RBM44: variants seen among roughly 807,000 people sequenced by gnomAD.
The protein encoded by RBM44 is RNA-binding protein 44.
In RBM44, 66 loss-of-function variants were observed where a neutral mutation model predicts 105.1. The observed-to-expected ratio is 0.63, with a 90% confidence interval of 0.52 to 0.77. The LOEUF (loss-of-function observed/expected upper bound fraction) is 0.77, where lower values mean the gene tolerates loss of function less well. Among genes scored for constraint, RBM44 ranks in the 30% least tolerant of loss-of-function variants. The pLI is 0.00. For missense variants in RBM44, 1,122 were observed against 1,207.8 expected, an observed-to-expected ratio of 0.93 and a Z score of 1.05; for synonymous variants, 365 against 417.6, an observed-to-expected ratio of 0.87 and a Z score of 1.54.
intron 5 of RBM44, 103 bp from the exon 6 acceptor site, chr2:237,820,968 T>C: frequency 1.3e-6 from 1 of 788,066 alleles, no homozygotes; most frequent in Non-Finnish European, 1.9e-6. Flanking sequence ...GGAGGATTGC[T>C]TGAGCCCAGG....
At position 237,842,116 on chromosome 2, in the gene RBM44, T is replaced by C. The variant is rs2062017452; in HGVS notation, c.*300T>C. ...AGAACATTAAGATGCATATTTGTGA[T>C]CTAAAGAAATTGTCTTGTCCATTTT... On this transcript the variant is annotated 3_prime_UTR_variant, in exon 16 of 16. Transcript: ENST00000316997. 6.6e-6 allele frequency: 1 copy of C among 152,128 alleles called. No individual in the cohort carries two copies. Among genetic ancestry groups the C allele is most frequent in the Non-Finnish European group, 1.5e-5 (1 of 67,962 alleles). The allele number at this position is 152,128 out of a possible 1,614,324, so 9.4% of individuals were successfully genotyped here.
Position 237,821,690 on chromosome 2 carries a change from C to T in RBM44, c.2121-53C>T, listed in dbSNP as rs970059843. 3.9e-6 allele frequency: 5 copies of T among 1,274,190 alleles called. No individual in the cohort carries two copies. In the African/African-American group the frequency reaches 7.3e-5, roughly 19 times the overall value. The allele number at this position is 1,274,190 out of a possible 1,614,324, so 78.9% of individuals were successfully genotyped here. The stretch of plus-strand genomic sequence containing the variant: ...ATACATTGTAGTTAACTATAGTCAC[C>T]TTACTCTGTTATCAAACATTAGATC... On this transcript the variant is annotated intron_variant, in intron 7 of 15. Coordinates refer to ENST00000316997, the MANE Select transcript of RBM44 (RefSeq NM_001080504.3).
chr2:237,837,287 C>G (rs993443998), intron 15 of RBM44, among the ~76,000 whole-genome samples: 2 of 152,144 alleles, frequency 1.3e-5, no homozygotes, highest in Admixed American at 6.5e-5. Context: ...AATTTTGACT[C>G]AAGTCTTAAA....
chr2:237,816,899 T>C (rs1295746668), intron 2 of RBM44, 94 bp from the exon 3 acceptor site: 2 of 730,482 alleles, frequency 2.7e-6, no homozygotes, highest in South Asian at 2.7e-5. Context: ...TAATCCCGCA[T>C]TGGGAAGAGC....
intron 1 of RBM44, among the ~76,000 whole-genome samples, chr2:237,812,663 G>A (rs886314161): frequency 6.6e-6 from 1 of 152,020 alleles, no homozygotes; most frequent in Non-Finnish European, 1.5e-5. Context: ...TGTAACACTT[G>A]ATTAACAGAA....
rs910065211 is a variant in RBM44, at chr2:237,818,878, T to G, written c.1678-23T>G. The G allele has an allele frequency of 2.3e-6, 3 of 1,296,442 alleles. No homozygotes were observed. In the Admixed American group the frequency reaches 6.7e-5, roughly 29 times the overall value. The allele number at this position is 1,296,442 out of a possible 1,614,324, so 80.3% of individuals were successfully genotyped here. ...AATTTCAGATATAACTTTTTTAAATTTAATTTTAAATCATATTTTCAGGAT... is the reference window on the plus strand; with the variant it reads ...AATTTCAGATATAACTTTTTTAAATGTAATTTTAAATCATATTTTCAGGAT... On this transcript the variant is annotated intron_variant, in intron 3 of 15. Transcript: ENST00000316997. The surrounding 1 kb of genome is among the most constrained non-coding windows in gnomAD (Gnocchi z 4.6).
intron 1 of RBM44, among the ~76,000 whole-genome samples, chr2:237,805,277 T>C (rs1298022402): frequency 6.6e-6 from 1 of 152,194 alleles, no homozygotes; most frequent in Non-Finnish European, 1.5e-5. Flanking sequence ...GAATACAGCT[T>C]ACCAGGGAGG....
In RBM44 at chr2:237,834,259, A is replaced by G; in HGVS notation, c.3033-19A>G. The G allele has an allele frequency of 6.4e-7, 1 of 1,557,872 alleles. No individual in the cohort carries two copies. Among genetic ancestry groups the G allele is most frequent in the South Asian group, 1.2e-5 (1 of 81,412 alleles). On this transcript the variant is annotated intron_variant, in intron 14 of 15. Transcript: ENST00000316997. Reference sequence around the variant, plus strand: ...CTTTGGAAAAGACAAATACTCATGTATGTTTTCCTTTTTCATAGAGACCAT... The same window carrying G: ...CTTTGGAAAAGACAAATACTCATGTGTGTTTTCCTTTTTCATAGAGACCAT...
Position 237,817,431 on chromosome 2 carries a change from G to A in RBM44, c.512G>A (p.Ser171Asn). 1 of 1,599,078 alleles carries A rather than the reference G, an allele frequency of 6.3e-7. No individual in the cohort carries two copies. The highest frequency in any genetic ancestry group is 8.5e-7 in the Non-Finnish European group (1 of 1,171,932). The change falls in exon 3 of 16, where the codon AGT (serine) becomes AAT (asparagine). Residue 171 changes from serine (S) to asparagine (N), a missense_variant. Coordinates refer to ENST00000316997, the MANE Select transcript of RBM44 (RefSeq NM_001080504.3). ...YNISDANYRE[S>N]AEDTQKHDTD... ...ATTTCAGATGCTAATTATAGAGAAA[G>A]TGCTGAAGATACACAAAAGCATGAT...
Position 237,817,650 on chromosome 2 carries a change from T to C in RBM44, c.731T>C (p.Ile244Thr). Residue 244 changes from isoleucine to threonine, a missense_variant, in exon 3 of 16, where the codon ATC becomes ACC. Physicochemically the swap from Ile to Thr is moderately conservative, Grantham distance 89. This residue lies in a region of RBM44 where 918 missense variants were observed against 955.3 expected (regional missense o/e 0.96). Transcript: ENST00000316997. The stretch of plus-strand genomic sequence containing the variant: ...CGTGTTAACTCGGGAAGTGGTTCTA[T>C]CATCTCTTTCGATTCACTTGATGTT... The part of the protein sequence containing the change: ...DNRVNSGSGS[I>T]ISFDSLDVYG... 1 of 1,612,904 alleles carries C rather than the reference T, an allele frequency of 6.2e-7. No individual in the cohort carries two copies. The highest frequency in any genetic ancestry group is 8.5e-7 in the Non-Finnish European group (1 of 1,179,364).
At chr2:237,827,557 A>G in intron 12 of RBM44, 54 bp downstream of exon 12, 3 of 1,006,198 alleles carry the variant, frequency 3.0e-6, no homozygotes, top group Non-Finnish European at 4.5e-6. Context: ...CTGTTTGCCA[A>G]AGGTTCTATA....
intron 1 of RBM44, among the ~76,000 whole-genome samples, chr2:237,805,826 A>G (rs1255700964): frequency 6.6e-6 from 1 of 152,122 alleles, no homozygotes; most frequent in Non-Finnish European, 1.5e-5. Context: ...TTAGCCAGGC[A>G]TGGTGTTGTA....
chr2:237,836,342 T>C (rs551140707), intron 15 of RBM44, among the ~76,000 whole-genome samples: 33 of 152,278 alleles, frequency 2.2e-4, no homozygotes, highest in African/African-American at 7.9e-4. Flanking sequence ...AGGGTCTTGC[T>C]ATCACCTAGG....
At chr2:237,806,149 G>T (rs2061597617) in intron 1 of RBM44, among the ~76,000 whole-genome samples, 1 of 152,138 alleles carries the variant, frequency 6.6e-6, no homozygotes, top group Non-Finnish European at 1.5e-5. Context: ...TGTAGAATTT[G>T]GCAGATAAAG....
At chr2:237,839,196 C>T (rs1332034548) in intron 15 of RBM44, among the ~76,000 whole-genome samples, 2 of 152,176 alleles carry the variant, frequency 1.3e-5, no homozygotes, top group African/African-American at 4.8e-5. Flanking sequence ...GATATCAGAA[C>T]AACGAATCCA....
At chr2:237,822,710 G>C (rs2061805959) in intron 8 of RBM44, among the ~76,000 whole-genome samples, 1 of 151,906 alleles carries the variant, frequency 6.6e-6, no homozygotes. Context: ...TTTATTTAGG[G>C]AGAACAATAA....
In RBM44 at chr2:237,825,772, T is replaced by C. The variant is rs4349294; in HGVS notation, c.2449+1353T>C. On this transcript the variant is annotated intron_variant, in intron 10 of 15. Coordinates refer to ENST00000316997, the MANE Select transcript of RBM44 (RefSeq NM_001080504.3). ...GATGGGTATAATGTATGTCTTCTGA[T>C]TCTTATTTACCCTTTTTTACTGTAC... is the stretch of plus-strand genomic sequence containing the variant. Among the ~76,000 whole-genome samples, 1,126 of 152,288 alleles carry C rather than the reference T, an allele frequency of 7.4e-3. 11 individuals are homozygous for C. The highest frequency in any genetic ancestry group is 0.013 in the Non-Finnish European group (913 of 68,016).
chr2:237,812,344 T>G (rs1048090292), intron 1 of RBM44, among the ~76,000 whole-genome samples: 4 of 152,238 alleles, frequency 2.6e-5, no homozygotes. Context: ...TTTCTAGCTT[T>G]ATTTAATAAT....
At position 237,818,777 on chromosome 2, in the gene RBM44, C is replaced by A; in HGVS notation, c.1678-124C>A. On this transcript the variant is annotated intron_variant, in intron 3 of 15. Coordinates refer to ENST00000316997, the MANE Select transcript of RBM44 (RefSeq NM_001080504.3). This position sits in a 1 kb window ranked among gnomAD's most constrained non-coding sequence, Gnocchi z 4.6. ...AAAAAAAAGACGTGTAAATTACCAC[C>A]AGTTCTATCCTCCTCTCCTGGCAGC... The A allele has an allele frequency of 1.6e-6, 1 of 631,082 alleles. No homozygotes were observed. The highest frequency in any genetic ancestry group is 2.6e-6 in the Non-Finnish European group (1 of 379,928). 39.1% of individuals were successfully genotyped at this position (631,082 alleles called of 1,614,324 possible).
Sources: allele counts gnomAD v4.1 joint callset (sites outside exome capture counted in the v4.1 genomes callset), GRCh38; gene constraint gnomAD v4.1.1; regional missense constraint gnomAD v4.1.1; non-coding constraint Gnocchi (gnomAD v3.1); transcripts MANE v1.5; gene names NCBI Gene and HGNC (gene_info 2026-07-23, HGNC 2026-07-21).